ABCF1: variants seen among roughly 807,000 people sequenced by gnomAD.
ABCF1 encodes the protein ATP binding cassette subfamily F member 1.
ABCF1 carries 73 observed loss-of-function variants against 126.3 expected under a neutral mutation model. The ratio of observed to expected loss-of-function variants is 0.58; its 90% CI spans 0.48 to 0.70. ABCF1 has a LOEUF of 0.70. Ranked by LOEUF, ABCF1 falls within the 30% of genes least tolerant of loss-of-function variation. ABCF1 has a pLI of 0.00. For synonymous variants in ABCF1, 345 were observed against 396.4 expected, an observed-to-expected ratio of 0.87 and a Z score of 1.54; for missense variants, 786 against 1,057.5, an observed-to-expected ratio of 0.74 and a Z score of 3.56.
chr6:30,584,547 A>G lies in ABCF1; in HGVS notation c.1372A>G (p.Met458Val). 3.1e-6 allele frequency: 5 copies of G among 1,605,762 alleles called. No homozygotes were observed. The highest frequency in any genetic ancestry group is 4.3e-6 in the Non-Finnish European group (5 of 1,175,578). ...PTQKFSGGWR[M>V]RVSLARALFM... ...ACAGAAGTTCTCAGGGGGCTGGCGC[A>G]TGCGTGTCTCCCTGGCCAGGTGGGC... Residue 458 changes from methionine to valine, a missense_variant, in exon 14 of 25, where the codon ATG (methionine) becomes GTG (valine). Coordinates refer to ENST00000326195, the MANE Select transcript of ABCF1 (RefSeq NM_001025091.2). The surrounding 1 kb of genome is among the most constrained non-coding windows in gnomAD (Gnocchi z 4.6).
At chr6:30,572,424 T>C (rs1801299756) in intron 1 of ABCF1, among the ~76,000 whole-genome samples, 1 of 152,190 alleles carries the variant, frequency 6.6e-6, no homozygotes, top group African/African-American at 2.4e-5. Flanking sequence ...TTAAGAATGT[T>C]ATGGGACTGT....
At position 30,584,566 on chromosome 6, in the gene ABCF1, G is replaced by A; in HGVS notation, c.1391G>A (p.Arg464Lys). The A allele has an allele frequency of 6.3e-7, 1 of 1,593,054 alleles. No individual in the cohort carries two copies. ...TGGCGCATGCGTGTCTCCCTGGCCA[G>A]GTGGGCCATTCACCTCACTGCCCTC... ...GGWRMRVSLA[R>K]ALFMEPTLLM... The change falls in exon 14 of 25, where the codon AGG becomes AAG. Residue 464 changes from arginine (R) to lysine (K), a missense_variant and splice_region_variant. Physicochemically the swap from Arg to Lys is conservative, Grantham distance 26. Around this residue, in one of 4 missense-constraint regions of ABCF1, gnomAD observed 163 missense variants for 255.3 expected, o/e 0.64. Transcript: ENST00000326195. This position sits in a 1 kb window ranked among gnomAD's most constrained non-coding sequence, Gnocchi z 4.6.
Position 30,590,324 on chromosome 6 carries a change from C to T in ABCF1, c.2317C>T (p.Leu773=), listed in dbSNP as rs1802379451. The T allele has an allele frequency of 6.2e-7, 1 of 1,612,070 alleles. No homozygotes were observed. The highest frequency in any genetic ancestry group is 2.2e-5 in the East Asian group (1 of 44,872). ...VLILDEPTNN[L]DIESIDALGE... ...TATGTAGGACGAGCCAACCAATAAC[C>T]TGGACATAGAGTCTATTGATGCTCT... Residue 773 remains leucine (L), a synonymous_variant, in exon 24 of 25, where the codon CTG becomes TTG. Coordinates refer to ENST00000326195, the MANE Select transcript of ABCF1 (RefSeq NM_001025091.2).
At position 30,577,443 on chromosome 6, in the gene ABCF1, G is replaced by T; in HGVS notation, c.108G>T (p.Lys36Asn). The change falls in exon 2 of 25, where the codon AAG (lysine) becomes AAT (asparagine). Residue 36 changes from lysine to asparagine, a missense_variant. Physicochemically the swap from Lys to Asn is moderately conservative, Grantham distance 94 (BLOSUM62 0). Transcript: ENST00000326195. The stretch of plus-strand genomic sequence containing the variant: ...TGAAGAAAGGGAAGAAGGACAAGAA[G>T]ATCAAAAAAACGGTGAGAAAATGAG... ...KVVKKGKKDK[K>N]IKKTFFEELA... 1 of 1,613,262 alleles carries T rather than the reference G, an allele frequency of 6.2e-7. No homozygotes were observed. Among genetic ancestry groups the T allele is most frequent in the Non-Finnish European group, 8.5e-7 (1 of 1,179,700 alleles).
intron 16 of ABCF1, 23 bp downstream of exon 16, chr6:30,585,705 G>T (rs1802082213): frequency 6.8e-6 from 11 of 1,611,810 alleles, no homozygotes; most frequent in African/African-American, 1.3e-5. Flanking sequence ...GTGTGTGGAT[G>T]CAGGGAAGAG....
chr6:30,578,899 C>CT (rs1364268161), intron 6 of ABCF1, among the ~76,000 whole-genome samples: 1 of 152,016 alleles, frequency 6.6e-6, no homozygotes, highest in Non-Finnish European at 1.5e-5. Context: ...ACTTGGAAGG[C>CT]TGAGGCAGGA....
intron 15 of ABCF1, 44 bp downstream of exon 15, chr6:30,585,387 C>T: frequency 6.3e-7 from 1 of 1,597,484 alleles, no homozygotes; most frequent in Non-Finnish European, 8.6e-7. Flanking sequence ...TCTGCACTTT[C>T]TTCCCCTTCC....
rs374454193 is a variant in ABCF1, at chr6:30,580,170, C to A, written c.564+165C>A. 3.2e-3 allele frequency among the ~76,000 whole-genome samples: 493 copies of A among 151,916 alleles called. 2 individuals are homozygous for A. Among genetic ancestry groups the A allele is most frequent in the South Asian group, 0.015 (71 of 4,796 alleles). On this transcript the variant is annotated intron_variant, in intron 7 of 24. Transcript: ENST00000326195. ...GACCATCCTGGTAACACGGTAAAACCCCGTCTCTACTAAAAATACAAAAAA... is the reference window on the plus strand; with the variant it reads ...GACCATCCTGGTAACACGGTAAAACACCGTCTCTACTAAAAATACAAAAAA...
Position 30,582,592 on chromosome 6 carries a change from A to G in ABCF1, c.792+85A>G, listed in dbSNP as rs1385778606. The G allele has an allele frequency of 2.7e-5, 37 of 1,395,904 alleles. No individual in the cohort carries two copies. The South Asian group carries it at 4.0e-4, about 15-fold the overall frequency. The allele number at this position is 1,395,904 out of a possible 1,614,324, so 86.5% of individuals were successfully genotyped here. On this transcript the variant is annotated intron_variant, in intron 9 of 24. Coordinates refer to ENST00000326195, the MANE Select transcript of ABCF1 (RefSeq NM_001025091.2). ...ACATGCGATTGGGGACACGAAGGAA[A>G]GGTTTGGGGGCTACTCCAAGTAAAA... is the stretch of plus-strand genomic sequence containing the variant.
intron 8 of ABCF1, among the ~76,000 whole-genome samples, chr6:30,581,636 C>T (rs953353757): frequency 1.3e-5 from 2 of 151,994 alleles, no homozygotes; most frequent in African/African-American, 4.8e-5. Context: ...ATCTCCTGAC[C>T]TTGTGATCTG....
chr6:30,583,078 C>T lies in ABCF1; in HGVS notation c.805C>T (p.Arg269Cys), dbSNP rs375099025. The part of the protein sequence containing the change: ...KKLKKQMEYE[R>C]QVASLKAANA... ...CCTACCTTCTCAGATGGAGTATGAG[C>T]GCCAAGTGGCTTCATTAAAAGCAGC... The change falls in exon 10 of 25, where the codon CGC becomes TGC. Residue 269 changes from arginine to cysteine, a missense_variant. Arg to Cys is a radical substitution (Grantham distance 180). Around this residue, in one of 4 missense-constraint regions of ABCF1, gnomAD observed 322 missense variants for 322.9 expected, o/e 1.00. Transcript: ENST00000326195. The surrounding 1 kb of genome is among the most constrained non-coding windows in gnomAD (Gnocchi z 4.1). 14 of 1,609,492 alleles carry T rather than the reference C, an allele frequency of 8.7e-6. No homozygotes were observed. The highest frequency in any genetic ancestry group is 1.2e-5 in the Non-Finnish European group (14 of 1,177,016).
intron 1 of ABCF1, among the ~76,000 whole-genome samples, chr6:30,576,376 C>T (rs1304381205): frequency 6.7e-6 from 1 of 149,646 alleles, no homozygotes; most frequent in Non-Finnish European, 1.5e-5. Context: ...CAACCTCCGC[C>T]TCCTGGGTTC....
intron 1 of ABCF1, 64 bp from the exon 2 acceptor site, chr6:30,577,344 CA>C (rs1554120233): frequency 1.0e-5 from 15 of 1,499,012 alleles, no homozygotes; most frequent in Non-Finnish European, 1.3e-5. Context: ...GAGATCTTTG[CA>C]GGGGGGATCA....
rs1210366036 is a variant in ABCF1 at position 30,586,603 on chromosome 6, C to T, written c.1961-38C>T. The stretch of plus-strand genomic sequence containing the variant: ...GTAGCAGGAGCCACAGGGAGAGTCT[C>T]TGGGGACCTCTTTGACCACCTGTCT... On this transcript the variant is annotated intron_variant, in intron 19 of 24. Transcript: ENST00000326195. The surrounding 1 kb of genome is among the most constrained non-coding windows in gnomAD (Gnocchi z 4.9). 1 of 1,613,266 alleles carries T rather than the reference C, an allele frequency of 6.2e-7. No homozygotes were observed. The highest frequency in any genetic ancestry group is 1.1e-5 in the South Asian group (1 of 91,078).
rs1267581520 is a variant in ABCF1 at position 30,591,235 on chromosome 6, T to TG, written c.*538dup. On this transcript the variant is annotated 3_prime_UTR_variant, in exon 25 of 25. Coordinates refer to ENST00000326195, the MANE Select transcript of ABCF1 (RefSeq NM_001025091.2). ...GCAGCCTCTTGTCTGGTTGAGGACT[T>TG]GGGGCAGGAAAGGAATGCTGCTGAA... 2.6e-5 allele frequency: 4 copies of TG among 153,318 alleles called. No homozygotes were observed. The highest frequency in any genetic ancestry group is 4.4e-5 in the Non-Finnish European group (3 of 68,832). The allele number at this position is 153,318 out of a possible 1,614,324, so 9.5% of individuals were successfully genotyped here.
At position 30,583,980 on chromosome 6, in the gene ABCF1, G is replaced by A; in HGVS notation, c.1102+90G>A. ...CAAGAATAGAAGAAATTGTGGCTAT[G>A]GAGTTGGAAGGGATGTGGAGGGAGA... is the stretch of plus-strand genomic sequence containing the variant. On this transcript the variant is annotated intron_variant, in intron 12 of 24. Coordinates refer to ENST00000326195, the MANE Select transcript of ABCF1 (RefSeq NM_001025091.2). The surrounding 1 kb of genome is among the most constrained non-coding windows in gnomAD (Gnocchi z 4.1). 6.7e-7 allele frequency: 1 copy of A among 1,498,336 alleles called. No homozygotes were observed. The highest frequency in any genetic ancestry group is 2.3e-5 in the East Asian group (1 of 43,518). 92.8% of individuals were successfully genotyped at this position (1,498,336 alleles called of 1,614,324 possible).
rs1369943357 is a variant in ABCF1, at chr6:30,586,848, G to C, written c.2031+137G>C. Reference sequence around the variant, plus strand: ...CATGATAGATGATTCATTTCCCTAAGAGGGGCAGTAGAGGAGGAAAGAGCT... The same window carrying C: ...CATGATAGATGATTCATTTCCCTAACAGGGGCAGTAGAGGAGGAAAGAGCT... On this transcript the variant is annotated intron_variant, in intron 20 of 24. Transcript: ENST00000326195. This position sits in a 1 kb window ranked among gnomAD's most constrained non-coding sequence, Gnocchi z 4.9. 1.0e-6 allele frequency: 1 copy of C among 973,732 alleles called. No homozygotes were observed. Among genetic ancestry groups the C allele is most frequent in the Non-Finnish European group, 1.6e-6 (1 of 644,668 alleles). 60.3% of individuals were successfully genotyped at this position (973,732 alleles called of 1,614,324 possible).
At chr6:30,589,602 CAAAA>C (rs112144975) in intron 20 of ABCF1, 82 bp from the exon 21 acceptor site, 278 of 1,233,156 alleles carry the variant, frequency 2.3e-4, no homozygotes, top group Middle Eastern at 4.8e-4. Context: ...GACTCCGTCT[CAAAA>C]AAAAAAAAAA....
intron 1 of ABCF1, among the ~76,000 whole-genome samples, chr6:30,572,271 C>T (rs902892943): frequency 2.0e-4 from 30 of 152,112 alleles, no homozygotes; most frequent in Non-Finnish European, 3.8e-4. Context: ...TTATTGGATG[C>T]CTACTGTATA....
Sources: allele counts gnomAD v4.1 joint callset (sites outside exome capture counted in the v4.1 genomes callset), GRCh38; gene constraint gnomAD v4.1.1; regional missense constraint gnomAD v4.1.1; non-coding constraint Gnocchi (gnomAD v3.1); transcripts MANE v1.5; gene names NCBI Gene and HGNC (gene_info 2026-07-23, HGNC 2026-07-21).